Variants in ABCA5 observed in about 807,000 individuals in gnomAD.
The protein encoded by ABCA5 is ATP binding cassette subfamily A member 5.
Under a neutral mutation model 206.0 loss-of-function variants are expected in ABCA5, and 163 were observed. That is an observed-to-expected ratio of 0.79 (90% CI 0.70 to 0.90). The LOEUF (loss-of-function observed/expected upper bound fraction) is 0.90. ABCA5 is among the 40% of genes least tolerant of loss of function. The pLI is 0.00. For synonymous variants in ABCA5, 609 were observed against 613.8 expected (o/e 0.99, Z 0.11); for missense variants, 1,859 against 1,912.9 (o/e 0.97, Z 0.53).
At chr17:69,316,005 A>C (rs1480347282) in intron 1 of ABCA5, among the ~76,000 whole-genome samples, 1 of 152,184 alleles carries the variant, frequency 6.6e-6, no homozygotes, top group Non-Finnish European at 1.5e-5. Context: ...ACACAAAAAC[A>C]CAATAAGAAA....
At chr17:69,262,780 T>C (rs12945908) in intron 24 of ABCA5, among the ~76,000 whole-genome samples, 55,252 of 137,030 alleles carry the variant, frequency 0.4, 11,723 homozygotes, top group South Asian at 0.54. Context: ...GGTAGTTCTG[T>C]TTTAAGTTTT....
Position 69,313,279 on chromosome 17 carries a change from T to A in ABCA5, c.120A>T (p.Leu40=), listed in dbSNP as rs746471298. The stretch of plus-strand genomic sequence containing the variant: ...TTAATATTAACCAAAATAAAAAAAA[T>A]AGTGGAAAAAGAATTTCCTACAATA... ...KSSVQEILFP[L]FFLFWLILIS... The change falls in exon 3 of 39, where the codon CTA becomes CTT. Residue 40 remains leucine, a synonymous_variant. Transcript: ENST00000392676. 6 of 1,396,702 alleles carry A rather than the reference T, an allele frequency of 4.3e-6. No individual in the cohort carries two copies. Among genetic ancestry groups the A allele is most frequent in the Middle Eastern group, 3.8e-4 (2 of 5,302 alleles). 86.5% of individuals were successfully genotyped at this position (1,396,702 alleles called of 1,614,324 possible).
At chr17:69,249,731 A>C (rs1357510030) in intron 37 of ABCA5, 174 bp downstream of exon 37, 1 of 797,462 alleles carries the variant, frequency 1.3e-6, no homozygotes, top group Non-Finnish European at 1.9e-6. Context: ...TAGTTTCTAA[A>C]ATAAACCGAG....
rs530470845 is a variant in ABCA5, at chr17:69,254,324, A to G, written c.4235T>C (p.Val1412Ala). The G allele has an allele frequency of 2.5e-6, 4 of 1,604,580 alleles. No individual in the cohort carries two copies. The highest frequency in any genetic ancestry group is 2.3e-5 in the South Asian group (2 of 88,764). ...AAGACAATTATTTTACCGACTTATG[A>G]CTTCTTTCATGTCACTTGCACTCAT... is the stretch of plus-strand genomic sequence containing the variant. ...KGMSASDMKE[V>A]ISRITHALDL... Residue 1412 changes from valine to alanine, a missense_variant, in exon 32 of 39, where the codon GTC becomes GCC. Coordinates refer to ENST00000392676, the MANE Select transcript of ABCA5 (RefSeq NM_172232.4).
At chr17:69,248,208 A>G (rs1250536553) in intron 38 of ABCA5, 54 bp downstream of exon 38, 1 of 1,064,052 alleles carries the variant, frequency 9.4e-7, no homozygotes, top group Non-Finnish European at 1.4e-6. Flanking sequence ...AAAACAATCG[A>G]TATCAGATAC....
Position 69,252,016 on chromosome 17 carries a change from A to ACTTTTATATTCTTTTTTTTTT in ABCA5, c.4416-151_4416-150insAAAAAAAAAAGAATATAAAAG, listed in dbSNP as rs71144665. 33 of 614,166 alleles carry ACTTTTATATTCTTTTTTTTTT rather than the reference A, an allele frequency of 5.4e-5. 1 individual carries two copies. The highest frequency in any genetic ancestry group is 4.8e-4 in the Middle Eastern group (1 of 2,074). 38.0% of individuals were successfully genotyped at this position (614,166 alleles called of 1,614,324 possible). A position where few individuals can be genotyped will look rare whatever the true frequency, so the allele number is the denominator to read the frequency against. ...GGCTATTACATCCTGCCCAACTATG[A>ACTTTTATATTCTTTTTTTTTT]TTTTTTTTTTTTTGAGACGGAGTCT... On this transcript the variant is annotated intron_variant, in intron 34 of 38. Transcript: ENST00000392676.
At chr17:69,314,242 C>T (rs2075795522) in intron 2 of ABCA5, 72 bp downstream of exon 2, 1 of 699,566 alleles carries the variant, frequency 1.4e-6, no homozygotes, top group Non-Finnish European at 2.2e-6. Flanking sequence ...CAAAATAAAT[C>T]ATCACTTCAA....
At chr17:69,277,615 G>T in intron 19 of ABCA5, 26 bp downstream of exon 19, 1 of 1,557,214 alleles carries the variant, frequency 6.4e-7, no homozygotes, top group Non-Finnish European at 8.7e-7. Flanking sequence ...CAATCCATCA[G>T]GTATAAGGGT....
chr17:69,313,009 T>A, intron 3 of ABCA5, 83 bp downstream of exon 3: 1 of 849,984 alleles, frequency 1.2e-6, no homozygotes, highest in South Asian at 3.2e-5. Context: ...GTGTTAAGAC[T>A]GCTATTCATT....
intron 20 of ABCA5, among the ~76,000 whole-genome samples, chr17:69,273,525 G>A (rs191727958): frequency 8.4e-4 from 126 of 149,898 alleles, no homozygotes; most frequent in African/African-American, 2.9e-3. Context: ...GTGCAATCTC[G>A]GCTCACTGCA....
At chr17:69,284,190 T>C in intron 17 of ABCA5, 118 bp from the exon 18 acceptor site, 1 of 796,120 alleles carries the variant, frequency 1.3e-6, no homozygotes, top group Non-Finnish European at 1.8e-6. Context: ...GACCCATCTC[T>C]ACAAAAAATA....
At chr17:69,282,648 A>G (rs1487738044) in intron 18 of ABCA5, among the ~76,000 whole-genome samples, 1 of 122,466 alleles carries the variant, frequency 8.2e-6, no homozygotes, top group Admixed American at 7.6e-5. Flanking sequence ...GGGCGCCTGT[A>G]ATCCCAGCTG....
chr17:69,319,075 C>T (rs2075842208), intron 1 of ABCA5: 1 of 298,248 alleles, frequency 3.4e-6, no homozygotes. Flanking sequence ...GTTAAATAAA[C>T]TTCTGTAATG....
intron 3 of ABCA5, among the ~76,000 whole-genome samples, chr17:69,312,631 C>A (rs578230781): frequency 6.6e-6 from 1 of 152,096 alleles, no homozygotes; most frequent in African/African-American, 2.4e-5. Context: ...GTAAGGAGTG[C>A]TGGAATGAAG....
At chr17:69,301,383 G>A in intron 8 of ABCA5, 97 bp from the exon 9 acceptor site, 1 of 916,434 alleles carries the variant, frequency 1.1e-6, no homozygotes, top group Non-Finnish European at 1.6e-6. Flanking sequence ...CAGAGTGATA[G>A]TAACCAACTG....
At chr17:69,251,107 G>A (rs2075008099) in intron 35 of ABCA5, 1 of 153,044 alleles carries the variant, frequency 6.5e-6, no homozygotes, top group Admixed American at 6.5e-5. Context: ...ACTACACTTG[G>A]GTTATGGGTT....
At chr17:69,260,233 C>T in intron 27 of ABCA5, 105 bp downstream of exon 27, 2 of 821,724 alleles carry the variant, frequency 2.4e-6, no homozygotes, top group Non-Finnish European at 3.7e-6. Context: ...TTTTTATGCA[C>T]CTTCTTTTTC....
At position 69,244,564 on chromosome 17, in the gene ABCA5, G is replaced by T. The variant is rs1467608172; in HGVS notation, c.*2973C>A. 1 of 151,582 alleles carries T rather than the reference G, an allele frequency of 6.6e-6. No individual in the cohort carries two copies. The highest frequency in any genetic ancestry group is 1.5e-5 in the Non-Finnish European group (1 of 67,766). The allele number at this position is 151,582 out of a possible 1,614,324, so 9.4% of individuals were successfully genotyped here. A position where few individuals can be genotyped will look rare whatever the true frequency, so the allele number is the denominator to read the frequency against. On this transcript the variant is annotated 3_prime_UTR_variant, in exon 39 of 39. Coordinates refer to ENST00000392676, the MANE Select transcript of ABCA5 (RefSeq NM_172232.4). ...TAGCTGATATAAAAATTATTCATCT[G>T]AGAATAAATTCTTTCATTTTAGGAA...
At chr17:69,275,752 C>T (rs904793913) in intron 19 of ABCA5, among the ~76,000 whole-genome samples, 9 of 152,210 alleles carry the variant, frequency 5.9e-5, no homozygotes, top group Middle Eastern at 3.4e-3. Flanking sequence ...TATGTTGAAG[C>T]CCTAACTCCC....
Sources: allele counts gnomAD v4.1 joint callset (sites outside exome capture counted in the v4.1 genomes callset), GRCh38; gene constraint gnomAD v4.1.1; transcripts MANE v1.5; gene names NCBI Gene and HGNC (gene_info 2026-07-23, HGNC 2026-07-21).